Variants in MMS22L observed in about 807,000 individuals in gnomAD.
MMS22L encodes MMS22 like, DNA repair protein.
Under a neutral mutation model 159.1 loss-of-function variants are expected in MMS22L, and 74 were observed. That is an observed-to-expected ratio of 0.47 (90% confidence interval 0.39 to 0.56). The LOEUF is 0.56. MMS22L is among the 20% of genes least tolerant of loss of function. The pLI is 0.00. For missense variants in MMS22L, 1,351 were observed against 1,422.1 expected, an observed-to-expected ratio of 0.95 and a Z score of 0.80; for synonymous variants, 517 against 506.9, an observed-to-expected ratio of 1.02 and a Z score of -0.27.
At chr6:97,260,596 T>C (rs1814357266) in intron 9 of MMS22L, 3 of 152,226 alleles carry the variant, frequency 2.0e-5, no homozygotes, top group Non-Finnish European at 2.9e-5. Context: ...CTCCCAGATG[T>C]AGTCTGAACA....
chr6:97,254,803 T>A lies in MMS22L; in HGVS notation c.943-70A>T. ...AACCTTTGATTTCGTGGTTTTTCTC[T>A]ATTTTTATAATGAAGCATATATACA... On this transcript the variant is annotated intron_variant, in intron 9 of 24. Transcript: ENST00000683635. 2.4e-6 allele frequency: 3 copies of A among 1,273,688 alleles called. No individual in the cohort carries two copies. The African/African-American group carries it at 4.5e-5, about 19-fold the overall frequency. The allele number at this position is 1,273,688 out of a possible 1,614,324, so 78.9% of individuals were successfully genotyped here.
intron 14 of MMS22L, among the ~76,000 whole-genome samples, chr6:97,223,747 C>T (rs573157911): frequency 5.9e-5 from 9 of 152,210 alleles, no homozygotes; most frequent in African/African-American, 2.2e-4. Flanking sequence ...AAAGGCTGGA[C>T]TGCCTTGATA....
At chr6:97,261,802 A>C (rs1052830864) in intron 9 of MMS22L, 1 of 152,136 alleles carries the variant, frequency 6.6e-6, no homozygotes, top group Non-Finnish European at 1.5e-5. Flanking sequence ...CCAGAATTCA[A>C]TGCCTTGAAA....
chr6:97,169,000 A>G (rs553925833), intron 19 of MMS22L, among the ~76,000 whole-genome samples: 1 of 152,186 alleles, frequency 6.6e-6, no homozygotes, highest in Admixed American at 6.5e-5. Flanking sequence ...AGTGGCCTCA[A>G]TCCAGTTTGC....
chr6:97,267,003 A>T (rs1326415330), intron 8 of MMS22L: 2 of 152,226 alleles, frequency 1.3e-5, no homozygotes, highest in Non-Finnish European at 2.9e-5. Flanking sequence ...CACAAAAAAT[A>T]AGAATGTGAG....
intron 16 of MMS22L, among the ~76,000 whole-genome samples, chr6:97,180,450 G>A (rs1321678936): frequency 1.3e-5 from 2 of 152,020 alleles, no homozygotes; most frequent in African/African-American, 4.8e-5. Flanking sequence ...AGAGGATGGG[G>A]ATGGTCTTAA....
chr6:97,152,139 T>C (rs1801381086), intron 22 of MMS22L, among the ~76,000 whole-genome samples: 1 of 152,144 alleles, frequency 6.6e-6, no homozygotes, highest in Non-Finnish European at 1.5e-5. Context: ...GGTGCCCATA[T>C]TCAAAAAAGT....
intron 19 of MMS22L, 43 bp downstream of exon 19, chr6:97,173,020 C>T (rs945204381): frequency 6.3e-7 from 1 of 1,591,220 alleles, no homozygotes; most frequent in Non-Finnish European, 8.5e-7. Context: ...ATAGGCTCAA[C>T]CTAAGGAAAT....
At chr6:97,223,611 T>G (rs776375098) in intron 14 of MMS22L, among the ~76,000 whole-genome samples, 13 of 152,092 alleles carry the variant, frequency 8.5e-5, no homozygotes, top group Non-Finnish European at 1.8e-4. Flanking sequence ...GGAATACATC[T>G]CCATAACTGA....
At chr6:97,151,114 G>T (rs1285913225) in intron 23 of MMS22L, among the ~76,000 whole-genome samples, 1 of 152,120 alleles carries the variant, frequency 6.6e-6, no homozygotes, top group Non-Finnish European at 1.5e-5. Context: ...AGGTCTGAAG[G>T]CCTGTGTACC....
chr6:97,173,341 C>T, intron 18 of MMS22L, 119 bp from the exon 19 acceptor site: 1 of 831,226 alleles, frequency 1.2e-6, no homozygotes, highest in Admixed American at 3.2e-5. Flanking sequence ...ACATTTAAGC[C>T]TTCATTTGTA....
chr6:97,244,727 G>A (rs143035540), intron 11 of MMS22L, among the ~76,000 whole-genome samples: 24 of 152,166 alleles, frequency 1.6e-4, no homozygotes, highest in Non-Finnish European at 3.2e-4. Context: ...AGGACCTTGT[G>A]ATCATGTGAG....
At position 97,163,209 on chromosome 6, in the gene MMS22L, A is replaced by G. The variant is rs111292209; in HGVS notation, c.3222-1044T>C. ...ACATGTCTAAGAACAAGAATATAAA[A>G]TTGAATAAAATATGGTCTCTGAAAG... On this transcript the variant is annotated intron_variant, in intron 21 of 24. Coordinates refer to ENST00000683635, the MANE Select transcript of MMS22L (RefSeq NM_001350599.2). Among the ~76,000 whole-genome samples, 691 of 152,162 alleles carry G rather than the reference A, an allele frequency of 4.5e-3. 2 individuals are homozygous for G. Among genetic ancestry groups the G allele is most frequent in the Non-Finnish European group, 7.7e-3 (520 of 67,958 alleles).
At chr6:97,167,241 A>T (rs954334449) in intron 20 of MMS22L, among the ~76,000 whole-genome samples, 2 of 152,146 alleles carry the variant, frequency 1.3e-5, no homozygotes, top group African/African-American at 4.8e-5. Flanking sequence ...CACGTTAGTA[A>T]GTAGAACTAC....
At chr6:97,147,955 C>A (rs1800991048) in intron 24 of MMS22L, among the ~76,000 whole-genome samples, 1 of 152,138 alleles carries the variant, frequency 6.6e-6, no homozygotes, top group Admixed American at 6.6e-5. Flanking sequence ...TTGGAATATG[C>A]ATATTCATTA....
chr6:97,224,164 A>G (rs550974761), intron 14 of MMS22L, among the ~76,000 whole-genome samples: 1 of 152,320 alleles, frequency 6.6e-6, no homozygotes, highest in Non-Finnish European at 1.5e-5. Context: ...CACACTCCAG[A>G]GGACAGCAAA....
chr6:97,215,751 A>AT (rs1562468254), intron 14 of MMS22L, among the ~76,000 whole-genome samples: 1 of 152,058 alleles, frequency 6.6e-6, no homozygotes, highest in African/African-American at 2.4e-5. Flanking sequence ...ACTTTTCAAG[A>AT]TAAAAAAAAA....
chr6:97,188,747 G>A (rs1192668825), intron 14 of MMS22L, among the ~76,000 whole-genome samples: 2 of 151,948 alleles, frequency 1.3e-5, no homozygotes, highest in Admixed American at 6.6e-5. Flanking sequence ...ATCACTCGAG[G>A]CCAGCAGTTC....
At chr6:97,171,851 G>C (rs191053791) in intron 19 of MMS22L, among the ~76,000 whole-genome samples, 392 of 152,222 alleles carry the variant, frequency 2.6e-3, no homozygotes, top group Non-Finnish European at 4.6e-3. Flanking sequence ...CTCTTTCTCT[G>C]TTTTATTCTA....
Sources: gnomAD v4.1 joint callset for allele counts (sites outside exome capture counted in the v4.1 genomes callset) on GRCh38, gnomAD v4.1.1 for gene constraint, MANE v1.5 for transcripts, NCBI Gene and HGNC (gene_info 2026-07-23, HGNC 2026-07-21) for gene names.